Variants in MACROD2 observed in about 807,000 individuals in gnomAD.
MACROD2 encodes ADP-ribose glycohydrolase MACROD2.
Under a neutral mutation model 70.4 loss-of-function variants are expected in MACROD2, and 36 were observed. That is an observed-to-expected ratio of 0.51 (90% CI 0.39 to 0.68). The LOEUF (loss-of-function observed/expected upper bound fraction) is 0.68, where lower values mean the gene tolerates loss of function less well. Ranked by LOEUF, MACROD2 falls within the 30% of genes least tolerant of loss-of-function variation. The pLI is 0.00. For synonymous variants in MACROD2, 172 were observed against 178.8 expected, an observed-to-expected ratio of 0.96 and a Z score of 0.30; for missense variants, 496 against 538.4, an observed-to-expected ratio of 0.92 and a Z score of 0.78.
chr20:15,470,578 C>A (rs2046951797), intron 7 of MACROD2, among the ~76,000 whole-genome samples: 1 of 152,128 alleles, frequency 6.6e-6, no homozygotes, highest in Admixed American at 6.5e-5. Context: ...ACTTTCTTGT[C>A]CTGCAGAGAT....
In MACROD2 at chr20:14,862,552, TATATAA is replaced by T. The variant is rs1338204823; in HGVS notation, c.418+177605_418+177610del. On this transcript the variant is annotated intron_variant, in intron 5 of 17. Transcript: ENST00000684519. ...ATATATATAAATATATAAAAATATA[TATATAA>T]ATATAAATATATATAAATATATATG... 9.2e-4 allele frequency among the ~76,000 whole-genome samples: 13 copies of T among 14,086 alleles called. 2 individuals carry two copies. Among genetic ancestry groups the T allele is most frequent in the South Asian group, 3.3e-3 (2 of 608 alleles). 9.2% of individuals were successfully genotyped at this position (14,086 alleles called of 152,430 possible). A position where few individuals can be genotyped will look rare whatever the true frequency, so the allele number is the denominator to read the frequency against.
intron 6 of MACROD2, among the ~76,000 whole-genome samples, chr20:15,398,521 A>T (rs1264800219): frequency 6.6e-6 from 1 of 152,186 alleles, no homozygotes; most frequent in East Asian, 1.9e-4. Flanking sequence ...GATACTGCTC[A>T]TCTCTCCTGA....
At chr20:14,003,390 C>T (rs1317187386) in intron 2 of MACROD2, 1 of 161,196 alleles carries the variant, frequency 6.2e-6, no homozygotes, top group Non-Finnish European at 1.3e-5. Context: ...TTCTTTTAGA[C>T]CTTACGTAGC....
chr20:14,587,945 T>C (rs1981494328), intron 4 of MACROD2, among the ~76,000 whole-genome samples: 1 of 152,140 alleles, frequency 6.6e-6, no homozygotes. Context: ...TTTGATTTGC[T>C]AAGATTTATG....
intron 8 of MACROD2, among the ~76,000 whole-genome samples, chr20:15,579,827 T>C (rs779153535): frequency 1.7e-4 from 26 of 152,230 alleles, no homozygotes; most frequent in Non-Finnish European, 1.5e-4. Flanking sequence ...AATATAATTA[T>C]AAGGATGTTA....
Position 15,261,256 on chromosome 20 carries a change from G to A in MACROD2, c.540+31195G>A, listed in dbSNP as rs151012388. 2.9e-4 allele frequency among the ~76,000 whole-genome samples: 44 copies of A among 151,922 alleles called. No homozygotes were observed. In the East Asian group the frequency reaches 7.4e-3, roughly 25 times the overall value. On this transcript the variant is annotated intron_variant, in intron 6 of 17. Transcript: ENST00000684519. ...TGGAGAAGGCCAGTTTGGTGCCCAC[G>A]TCAAACATGCCCAATATTCTATTGT...
At chr20:15,022,646 A>T (rs1020883180) in intron 5 of MACROD2, among the ~76,000 whole-genome samples, 2 of 152,326 alleles carry the variant, frequency 1.3e-5, no homozygotes, top group African/African-American at 2.4e-5. Context: ...AGACAAGATG[A>T]CCTGGTTGTC....
chr20:14,572,952 A>T (rs1484483911), intron 4 of MACROD2, among the ~76,000 whole-genome samples: 3 of 151,606 alleles, frequency 2.0e-5, no homozygotes, highest in East Asian at 1.9e-4. Context: ...AGTGTTTATC[A>T]GTTAGGCTTG....
chr20:15,819,277 AAT>A (rs938088623), intron 8 of MACROD2, among the ~76,000 whole-genome samples: 6 of 143,598 alleles, frequency 4.2e-5, no homozygotes, highest in African/African-American at 1.5e-4. Context: ...GAGAGATATC[AAT>A]ATATATTTTA....
At chr20:14,873,775 CT>C (rs1488462882) in intron 5 of MACROD2, among the ~76,000 whole-genome samples, 3 of 152,204 alleles carry the variant, frequency 2.0e-5, no homozygotes, top group African/African-American at 7.2e-5. Context: ...AGGAGAATCG[CT>C]TGAACCCAGG....
chr20:14,271,523 A>T (rs545394468), intron 3 of MACROD2, among the ~76,000 whole-genome samples: 1 of 151,744 alleles, frequency 6.6e-6, no homozygotes, highest in African/African-American at 2.4e-5. Flanking sequence ...GCAAAAGTGG[A>T]TAAAACCACA....
intron 5 of MACROD2, among the ~76,000 whole-genome samples, chr20:14,802,362 C>T (rs1426410326): frequency 6.6e-6 from 1 of 151,950 alleles, no homozygotes; most frequent in South Asian, 2.1e-4. Flanking sequence ...TGGCTAAACG[C>T]TTTTATTAAA....
intron 3 of MACROD2, among the ~76,000 whole-genome samples, chr20:14,120,020 G>A (rs1278916141): frequency 1.3e-5 from 2 of 151,762 alleles, no homozygotes; most frequent in Non-Finnish European, 2.9e-5. Context: ...ACCAGCCTGG[G>A]CAACATGGTG....
At chr20:15,065,029 C>T (rs6034099) in intron 5 of MACROD2, among the ~76,000 whole-genome samples, 9,095 of 151,122 alleles carry the variant, frequency 0.06, 906 homozygotes, top group African/African-American at 0.21. Flanking sequence ...AGTTGGTAAA[C>T]GGAAAAAAAA....
chr20:15,778,609 A>C (rs915921055), intron 8 of MACROD2, among the ~76,000 whole-genome samples: 2 of 152,008 alleles, frequency 1.3e-5, no homozygotes, highest in Non-Finnish European at 2.9e-5. Context: ...CTGTGTAGGC[A>C]AAAACTTAGT....
chr20:14,804,688 G>A (rs1027980636), intron 5 of MACROD2, among the ~76,000 whole-genome samples: 5 of 151,938 alleles, frequency 3.3e-5, no homozygotes, highest in Non-Finnish European at 7.4e-5. Context: ...CCGTTCAGAT[G>A]CTCTGAACTG....
chr20:14,527,856 C>G (rs1458466063), intron 4 of MACROD2, among the ~76,000 whole-genome samples: 1 of 152,118 alleles, frequency 6.6e-6, no homozygotes, highest in Non-Finnish European at 1.5e-5. Context: ...TGTAGTAACA[C>G]TTCTCATGTC....
Position 15,987,051 on chromosome 20 carries a change from T to A in MACROD2, c.1061-15T>A. Reference sequence around the variant, plus strand: ...TAAAACAACCCTGAGTGTCCATCTGTCTCATTCTATTTAGAACTTTCATCA... The same window carrying A: ...TAAAACAACCCTGAGTGTCCATCTGACTCATTCTATTTAGAACTTTCATCA... On this transcript the variant is annotated splice_polypyrimidine_tract_variant and intron_variant, in intron 14 of 17. Coordinates refer to ENST00000684519, the MANE Select transcript of MACROD2 (RefSeq NM_001351661.2). The A allele has an allele frequency of 6.3e-7, 1 of 1,598,190 alleles. No individual in the cohort carries two copies. Among genetic ancestry groups the A allele is most frequent in the Non-Finnish European group, 8.5e-7 (1 of 1,171,470 alleles).
At chr20:15,586,113 A>G (rs1275403690) in intron 8 of MACROD2, among the ~76,000 whole-genome samples, 2 of 152,156 alleles carry the variant, frequency 1.3e-5, no homozygotes, top group Admixed American at 6.5e-5. Flanking sequence ...AATACCCTAA[A>G]ATGCCCTTGT....
Sources: allele counts gnomAD v4.1 joint callset (sites outside exome capture counted in the v4.1 genomes callset), GRCh38; gene constraint gnomAD v4.1.1; transcripts MANE v1.5; gene names NCBI Gene and HGNC (gene_info 2026-07-23, HGNC 2026-07-21).